Variants in CARMIL2 observed in about 807,000 individuals in gnomAD.
CARMIL2 encodes the protein capping protein, Arp2/3 and myosin-I linker protein 2.
Under a neutral mutation model 173.3 loss-of-function variants are expected in CARMIL2, and 96 were observed. The observed-to-expected ratio is 0.55, with a 90% confidence interval of 0.47 to 0.66. The LOEUF (loss-of-function observed/expected upper bound fraction) is 0.66, where lower values mean the gene tolerates loss of function less well. CARMIL2 is among the 30% of genes least tolerant of loss of function. The pLI is 0.00. For missense variants in CARMIL2, 1,771 were observed against 1,906.7 expected (o/e 0.93, Z 1.33); for synonymous variants, 830 against 817.1 (o/e 1.02, Z -0.27).
Position 67,648,707 on chromosome 16 carries a change from C to G in CARMIL2, c.1462C>G (p.Leu488Val). Reference protein sequence around the residue: ...ALRALLDGLALNTHLRDLHLD... With the variant: ...ALRALLDGLAVNTHLRDLHLD... ...CAGAGCCCTTTTGGATGGCCTCGCG[C>G]TCAACACGCACCTCCGCGACCTGCA... The change falls in exon 16 of 38, where the codon CTC becomes GTC. Residue 488 changes from leucine to valine, a missense_variant. This residue lies in a region of CARMIL2 where 944 missense variants were observed against 975.6 expected (regional missense o/e 0.97). Coordinates refer to ENST00000334583, the MANE Select transcript of CARMIL2 (RefSeq NM_001013838.3). The surrounding 1 kb of genome is among the most constrained non-coding windows in gnomAD (Gnocchi z 6.1). 1 of 1,607,400 alleles carries G rather than the reference C, an allele frequency of 6.2e-7. No individual in the cohort carries two copies. The highest frequency in any genetic ancestry group is 8.5e-7 in the Non-Finnish European group (1 of 1,177,288).
At position 67,657,326 on chromosome 16, in the gene CARMIL2, G is replaced by A. The variant is rs1347496480; in HGVS notation, c.4195+10G>A. On this transcript the variant is annotated intron_variant, in intron 37 of 37. Transcript: ENST00000334583. The surrounding 1 kb of genome is among the most constrained non-coding windows in gnomAD (Gnocchi z 4.5). ...CCATCCCCAAGCCTAGGTAAGAGGG[G>A]GTCCAGGCCAGCTGGGAGGGTGGCA... is the stretch of plus-strand genomic sequence containing the variant. 8 of 1,613,250 alleles carry A rather than the reference G, an allele frequency of 5.0e-6. No homozygotes were observed. Among genetic ancestry groups the A allele is most frequent in the Non-Finnish European group, 6.8e-6 (8 of 1,179,636 alleles).
At position 67,646,464 on chromosome 16, in the gene CARMIL2, C is replaced by G. The variant is rs2052595633; in HGVS notation, c.413C>G (p.Ala138Gly). 1.9e-6 allele frequency: 3 copies of G among 1,613,558 alleles called. No homozygotes were observed. The highest frequency in any genetic ancestry group is 1.1e-5 in the South Asian group (1 of 91,076). The change falls in exon 6 of 38, where the codon GCT becomes GGT. Residue 138 changes from alanine to glycine, a missense_variant. Coordinates refer to ENST00000334583, the MANE Select transcript of CARMIL2 (RefSeq NM_001013838.3). This position sits in a 1 kb window ranked among gnomAD's most constrained non-coding sequence, Gnocchi z 4.6. ...AGGCCCACACCAGCCTCCATGCTGG[C>G]TCGGCTGGAGAGAAGCAGCCCCTCG... is the stretch of plus-strand genomic sequence containing the variant. ...FRRPTPASML[A>G]RLERSSPSES... is the part of the protein sequence containing the mutation.
Position 67,646,931 on chromosome 16 carries a change from G to A in CARMIL2, c.569G>A (p.Cys190Tyr), listed in dbSNP as rs760523627. ...DVDTIYHRQG[C>Y]RHFSLGDFSH... is the part of the protein sequence containing the mutation. ...GACACCATTTACCATCGCCAGGGCT[G>A]CCGCCATTTCAGCCTGGGAGACTTC... The change falls in exon 8 of 38, where the codon TGC becomes TAC. Residue 190 changes from cysteine (C) to tyrosine (Y), a missense_variant. Transcript: ENST00000334583. This position sits in a 1 kb window ranked among gnomAD's most constrained non-coding sequence, Gnocchi z 4.6. 45 of 1,613,458 alleles carry A rather than the reference G, an allele frequency of 2.8e-5. No individual in the cohort carries two copies. Among genetic ancestry groups the A allele is most frequent in the Non-Finnish European group, 3.6e-5 (43 of 1,179,880 alleles).
In CARMIL2 at chr16:67,645,651, G is replaced by GCCGGC; in HGVS notation, c.132+24_132+25insCCCGG. The stretch of plus-strand genomic sequence containing the variant: ...GTCCTGGTATGGGGCAGGGGACAGA[G>GCCGGC]CCGGGGAGGCGGCTGTGGCCCCACA... On this transcript the variant is annotated intron_variant, in intron 2 of 37. Transcript: ENST00000334583. 6.2e-7 allele frequency: 1 copy of GCCGGC among 1,613,396 alleles called. No individual in the cohort carries two copies. The highest frequency in any genetic ancestry group is 8.5e-7 in the Non-Finnish European group (1 of 1,179,692).
chr16:67,648,595 C>A lies in CARMIL2; in HGVS notation c.1440-90C>A. ...GCTCCTGCTTCTGTCGCTCCCACAA[C>A]CTCCCCCAGATCCTGGCCCTGCCTC... On this transcript the variant is annotated intron_variant, in intron 15 of 37. Transcript: ENST00000334583. The surrounding 1 kb of genome is among the most constrained non-coding windows in gnomAD (Gnocchi z 6.1). 6.8e-7 allele frequency: 1 copy of A among 1,480,354 alleles called. No individual in the cohort carries two copies. The highest frequency in any genetic ancestry group is 9.2e-7 in the Non-Finnish European group (1 of 1,084,916). 91.7% of individuals were successfully genotyped at this position (1,480,354 alleles called of 1,614,324 possible).
At position 67,651,172 on chromosome 16, in the gene CARMIL2, C is replaced by T. The variant is rs1414432163; in HGVS notation, c.2185-15C>T. ...GGAGGGGGCTAGGCTGAGACTGATC[C>T]CCATTTCGCCCCAGGAAGTGAATGA... On this transcript the variant is annotated splice_polypyrimidine_tract_variant and intron_variant, in intron 22 of 37. Transcript: ENST00000334583. This position sits in a 1 kb window ranked among gnomAD's most constrained non-coding sequence, Gnocchi z 4.2. 6.2e-7 allele frequency: 1 copy of T among 1,610,610 alleles called. No individual in the cohort carries two copies. The highest frequency in any genetic ancestry group is 2.2e-5 in the East Asian group (1 of 44,818).
chr16:67,646,843 GCC>G lies in CARMIL2; in HGVS notation c.538-54_538-53del. On this transcript the variant is annotated intron_variant, in intron 7 of 37. Coordinates refer to ENST00000334583, the MANE Select transcript of CARMIL2 (RefSeq NM_001013838.3). This position sits in a 1 kb window ranked among gnomAD's most constrained non-coding sequence, Gnocchi z 4.6. ...ACATCTGGTCCCCCATGTGTGCTGA[GCC>G]CCTCCCTGCCCCTTGTGGCCCCAGG... 17 of 1,612,298 alleles carry G rather than the reference GCC, an allele frequency of 1.1e-5. No individual in the cohort carries two copies. In the South Asian group the frequency reaches 1.1e-4, roughly 10 times the overall value.
chr16:67,655,925 G>A, intron 32 of CARMIL2, 106 bp from the exon 33 acceptor site: 3 of 1,370,706 alleles, frequency 2.2e-6, no homozygotes, highest in Non-Finnish European at 3.0e-6. Context: ...TTCTTGTCCA[G>A]CCCATGGTGG....
At chr16:67,655,645 G>A (rs969489552) in intron 32 of CARMIL2, among the ~76,000 whole-genome samples, 1 of 151,974 alleles carries the variant, frequency 6.6e-6, no homozygotes, top group Non-Finnish European at 1.5e-5. Context: ...TGTCCTCCCT[G>A]CCTCGCTTCC....
chr16:67,648,506 A>T lies in CARMIL2; in HGVS notation c.1439+4A>T. 1 of 1,457,596 alleles carries T rather than the reference A, an allele frequency of 6.9e-7. No homozygotes were observed. The highest frequency in any genetic ancestry group is 9.0e-7 in the Non-Finnish European group (1 of 1,105,918). 90.3% of individuals were successfully genotyped at this position (1,457,596 alleles called of 1,614,324 possible). On this transcript the variant is annotated splice_donor_region_variant and intron_variant, in intron 15 of 37. Transcript: ENST00000334583. The surrounding 1 kb of genome is among the most constrained non-coding windows in gnomAD (Gnocchi z 6.1). The stretch of plus-strand genomic sequence containing the variant: ...AGCTGCCGCCCGACGCGCTCAGGTC[A>T]GTGTCGGACCCCGGCCACGCCCCCG...
rs2052757473 is a variant in CARMIL2 at position 67,652,950 on chromosome 16, C to T, written c.2885-69C>T. 10 of 779,378 alleles carry T rather than the reference C, an allele frequency of 1.3e-5. No individual in the cohort carries two copies. Among genetic ancestry groups the T allele is most frequent in the Non-Finnish European group, 1.5e-5 (9 of 584,794 alleles). 48.3% of individuals were successfully genotyped at this position (779,378 alleles called of 1,614,324 possible). On this transcript the variant is annotated intron_variant, in intron 28 of 37. Coordinates refer to ENST00000334583, the MANE Select transcript of CARMIL2 (RefSeq NM_001013838.3). The surrounding 1 kb of genome is among the most constrained non-coding windows in gnomAD (Gnocchi z 4.7). ...CCCGCGCCCTGGGCGGGTCCCCCGCCGCCCTAGCGCCTCCGCCGCCACCTC... is the reference window on the plus strand; with the variant it reads ...CCCGCGCCCTGGGCGGGTCCCCCGCTGCCCTAGCGCCTCCGCCGCCACCTC...
Position 67,654,773 on chromosome 16 carries a change from C to A in CARMIL2, c.3583-5C>A. On this transcript the variant is annotated splice_region_variant and splice_polypyrimidine_tract_variant and intron_variant, in intron 31 of 37. Transcript: ENST00000334583. ...TGTCTCCAACTCGAGCATCTCTGTCCCTAGCGGCGGCCCCTGGAGCGGGGA... is the reference window on the plus strand; with the variant it reads ...TGTCTCCAACTCGAGCATCTCTGTCACTAGCGGCGGCCCCTGGAGCGGGGA... 1 of 1,613,394 alleles carries A rather than the reference C, an allele frequency of 6.2e-7. No individual in the cohort carries two copies.
At position 67,653,720 on chromosome 16, in the gene CARMIL2, C is replaced by G. The variant is rs915541709; in HGVS notation, c.3121-429C>G. 4.6e-5 allele frequency among the ~76,000 whole-genome samples: 7 copies of G among 151,954 alleles called. No individual in the cohort carries two copies. Among genetic ancestry groups the G allele is most frequent in the Non-Finnish European group, 8.8e-5 (6 of 67,934 alleles). On this transcript the variant is annotated intron_variant, in intron 29 of 37. Coordinates refer to ENST00000334583, the MANE Select transcript of CARMIL2 (RefSeq NM_001013838.3). This position sits in a 1 kb window ranked among gnomAD's most constrained non-coding sequence, Gnocchi z 7.4. ...GGGCGGGGAGGAGCCGGCTTGAGGC[C>G]CCCCAGAGGGTCTGACGCAGCAGCC...
In CARMIL2 at chr16:67,651,386, C is replaced by T. The variant is rs1426015031; in HGVS notation, c.2314-15C>T. On this transcript the variant is annotated splice_polypyrimidine_tract_variant and intron_variant, in intron 23 of 37. Coordinates refer to ENST00000334583, the MANE Select transcript of CARMIL2 (RefSeq NM_001013838.3). The surrounding 1 kb of genome is among the most constrained non-coding windows in gnomAD (Gnocchi z 4.2). ...AGGTGTCAGCTCGCAACTGCTTTTCCTCTTTGGCCCTCAGATTCTCCCCAT... is the reference window on the plus strand; with the variant it reads ...AGGTGTCAGCTCGCAACTGCTTTTCTTCTTTGGCCCTCAGATTCTCCCCAT... 3.8e-6 allele frequency: 6 copies of T among 1,594,582 alleles called. No individual in the cohort carries two copies. The African/African-American group carries it at 5.4e-5, about 14-fold the overall frequency.
Position 67,649,519 on chromosome 16 carries a change from A to C in CARMIL2, c.1819A>C (p.Thr607Pro). 6.2e-7 allele frequency: 1 copy of C among 1,607,844 alleles called. No individual in the cohort carries two copies. Among genetic ancestry groups the C allele is most frequent in the African/African-American group, 1.3e-5 (1 of 75,016 alleles). The change falls in exon 20 of 38, where the codon ACC becomes CCC. Residue 607 changes from threonine to proline, a missense_variant. Transcript: ENST00000334583. The surrounding 1 kb of genome is among the most constrained non-coding windows in gnomAD (Gnocchi z 6.7). ...GASVLLRALA[T>P]NPNLTALDIS... ...CAGCGTCCTACTCCGGGCCCTAGCCACCAATCCTAACCTGACCGCGCTGGA... is the reference window on the plus strand; with the variant it reads ...CAGCGTCCTACTCCGGGCCCTAGCCCCCAATCCTAACCTGACCGCGCTGGA...
rs1254175270 is a variant in CARMIL2 at position 67,657,461 on chromosome 16, T to C, written c.4251T>C (p.Pro1417=). The change falls in exon 38 of 38, where the codon CCT becomes CCC. Residue 1417 remains proline (P), a synonymous_variant. Coordinates refer to ENST00000334583, the MANE Select transcript of CARMIL2 (RefSeq NM_001013838.3). The surrounding 1 kb of genome is among the most constrained non-coding windows in gnomAD (Gnocchi z 4.5). ...CACAGCCCACAGAGCCCTCCAGCCC[T>C]GAGCGGAGCCCACCCTCCCCAGCCA... ...LPPQPTEPSS[P]ERSPPSPATD... 8.7e-6 allele frequency: 14 copies of C among 1,611,450 alleles called. No homozygotes were observed. The highest frequency in any genetic ancestry group is 1.2e-5 in the Non-Finnish European group (14 of 1,178,894).
In CARMIL2 at chr16:67,656,427, C is replaced by A; in HGVS notation, c.3818C>A (p.Pro1273His). 1 of 1,609,152 alleles carries A rather than the reference C, an allele frequency of 6.2e-7. No homozygotes were observed. Among genetic ancestry groups the A allele is most frequent in the Non-Finnish European group, 8.5e-7 (1 of 1,177,024 alleles). Residue 1273 changes from proline (P) to histidine (H), a missense_variant, in exon 35 of 38, where the codon CCT (proline) becomes CAT (histidine). Coordinates refer to ENST00000334583, the MANE Select transcript of CARMIL2 (RefSeq NM_001013838.3). ...GCTGACACCTTTCTCCCTACAGACCCTTCCTGCAGACCTGGCCCAGGGAGC... is the reference window on the plus strand; with the variant it reads ...GCTGACACCTTTCTCCCTACAGACCATTCCTGCAGACCTGGCCCAGGGAGC... ...KSRTHSVSAD[P>H]SCRPGPGSQG...
At chr16:67,654,940 T>C (rs774042729) in intron 32 of CARMIL2, 40 bp downstream of exon 32, 3 of 1,609,244 alleles carry the variant, frequency 1.9e-6, no homozygotes, top group Non-Finnish European at 2.5e-6. Context: ...AGAGGGCAGA[T>C]GGCATGCTGT....
chr16:67,657,144 G>A lies in CARMIL2; in HGVS notation c.4118-95G>A. The A allele has an allele frequency of 1.8e-6, 2 of 1,104,728 alleles. No homozygotes were observed. Among genetic ancestry groups the A allele is most frequent in the Non-Finnish European group, 2.7e-6 (2 of 743,290 alleles). The allele number at this position is 1,104,728 out of a possible 1,614,324, so 68.4% of individuals were successfully genotyped here. On this transcript the variant is annotated intron_variant, in intron 36 of 37. Transcript: ENST00000334583. The surrounding 1 kb of genome is among the most constrained non-coding windows in gnomAD (Gnocchi z 4.5). ...TCTGAAGGCAGCAGTGTGTGTGAGT[G>A]CATGCTTATGTGCACTGGAGGTGGA...
Sources: allele counts gnomAD v4.1 joint callset (sites outside exome capture counted in the v4.1 genomes callset), GRCh38; gene constraint gnomAD v4.1.1; regional missense constraint gnomAD v4.1.1; non-coding constraint Gnocchi (gnomAD v3.1); transcripts MANE v1.5; gene names NCBI Gene and HGNC (gene_info 2026-07-23, HGNC 2026-07-21).